Variants in UCKL1 observed in about 807,000 individuals in gnomAD.
UCKL1 encodes uridine-cytidine kinase-like 1.
UCKL1 carries 65 observed loss-of-function variants against 59.2 expected under a neutral mutation model. The ratio of observed to expected loss-of-function variants is 1.10; its 90% CI spans 0.90 to 1.35. The LOEUF (loss-of-function observed/expected upper bound fraction) is 1.35, where lower values mean the gene tolerates loss of function less well. UCKL1 is among the 40% of genes most tolerant of loss of function. The pLI is 0.00. For synonymous variants in UCKL1, 410 were observed against 323.1 expected (o/e 1.27, Z -2.88); for missense variants, 703 against 784.3 (o/e 0.90, Z 1.24).
chr20:63,941,569 A>C, intron 8 of UCKL1: 3 of 272,908 alleles, frequency 1.1e-5, no homozygotes, highest in Non-Finnish European at 2.3e-5. Context: ...ATACCCCAGA[A>C]TGGGTAGCTT....
chr20:63,941,338 C>A (rs1390574684), intron 8 of UCKL1, 130 bp from the exon 9 acceptor site: 2 of 1,375,740 alleles, frequency 1.5e-6, no homozygotes, highest in Non-Finnish European at 2.0e-6. Context: ...GCAGAGCGGG[C>A]CTGACTTCTG....
Position 63,946,204 on chromosome 20 carries a change from T to C in UCKL1, c.368A>G (p.Asp123Gly). The C allele has an allele frequency of 6.2e-7, 1 of 1,611,708 alleles. No homozygotes were observed. The highest frequency in any genetic ancestry group is 2.2e-5 in the East Asian group (1 of 44,810). ...TVARMIIEAL[D>G]VPWVVLLSMD... ...GGACAGCAAGACCACCCAGGGCACA[T>C]CCAGGGCCTCGATGATCATTCTGGC... is the stretch of plus-strand genomic sequence containing the variant. Residue 123 changes from aspartate (D) to glycine (G), a missense_variant, in exon 3 of 15, where the codon GAT becomes GGT. Around this residue, in one of 4 missense-constraint regions of UCKL1, gnomAD observed 398 missense variants for 373.0 expected, o/e 1.07. Coordinates refer to ENST00000354216, the MANE Select transcript of UCKL1 (RefSeq NM_017859.4).
chr20:63,946,309 C>T (rs565300676), intron 2 of UCKL1, 42 bp from the exon 3 acceptor site: 217 of 1,555,310 alleles, frequency 1.4e-4, no homozygotes, highest in Admixed American at 1.9e-5. Flanking sequence ...AACAGGCAGG[C>T]TGCCGGCACA....
At chr20:63,955,914 G>A (rs776333424) in intron 1 of UCKL1, 1 of 187,608 alleles carries the variant, frequency 5.3e-6, no homozygotes. Context: ...ACCCCGAGCC[G>A]ACAACATAGA....
At chr20:63,948,001 G>A (rs951988684) in intron 1 of UCKL1, among the ~76,000 whole-genome samples, 20 of 144,580 alleles carry the variant, frequency 1.4e-4, no homozygotes, top group Non-Finnish European at 1.7e-4. Context: ...TGGGGGGTTG[G>A]GGGGGCATCA....
At chr20:63,949,200 C>CCGGAGAT (rs547995715) in intron 1 of UCKL1, among the ~76,000 whole-genome samples, 252 of 152,274 alleles carry the variant, frequency 1.7e-3, no homozygotes, top group Non-Finnish European at 3.1e-3. Flanking sequence ...CACCTCGGCT[C>CCGGAGAT]CGGAGATCGT....
At chr20:63,956,235 G>C (rs1224932222) in intron 1 of UCKL1, 25 bp downstream of exon 1, 2 of 1,505,248 alleles carry the variant, frequency 1.3e-6, no homozygotes, top group African/African-American at 2.9e-5. Flanking sequence ...CTCGCCAGTG[G>C]AGTGGAGGCG....
Position 63,939,972 on chromosome 20 carries a change from G to A in UCKL1, c.*4C>T. On this transcript the variant is annotated 3_prime_UTR_variant, in exon 15 of 15. Transcript: ENST00000354216. Reference sequence around the variant, plus strand: ...TGGTGGGGACGGGATGGCTCACTGGGCAGCTAACCCGTGTAGGCCACTTCC... The same window carrying A: ...TGGTGGGGACGGGATGGCTCACTGGACAGCTAACCCGTGTAGGCCACTTCC... 6.2e-7 allele frequency: 1 copy of A among 1,612,158 alleles called. No individual in the cohort carries two copies. The highest frequency in any genetic ancestry group is 8.5e-7 in the Non-Finnish European group (1 of 1,179,648).
intron 1 of UCKL1, among the ~76,000 whole-genome samples, chr20:63,950,137 C>T (rs368898071): frequency 2.0e-5 from 3 of 152,220 alleles, no homozygotes; most frequent in Admixed American, 6.5e-5. Context: ...CAGGCCAGGA[C>T]GATCTGCCAG....
At chr20:63,947,425 A>G (rs2146575498) in intron 1 of UCKL1, among the ~76,000 whole-genome samples, 1 of 152,310 alleles carries the variant, frequency 6.6e-6, no homozygotes, top group Middle Eastern at 3.4e-3. Flanking sequence ...AGGAGACGTG[A>G]GGGCGGCGTG....
At chr20:63,948,275 C>A (rs1423536832) in intron 1 of UCKL1, 1 of 152,096 alleles carries the variant, frequency 6.6e-6, no homozygotes, top group Non-Finnish European at 1.5e-5. Context: ...GCAGAGCCCC[C>A]GGGGGCAAGA....
chr20:63,942,649 C>A, intron 8 of UCKL1: 1 of 516,298 alleles, frequency 1.9e-6, no homozygotes, highest in Admixed American at 2.1e-5. Context: ...CCCAGCCCTG[C>A]CTGACCCTCC....
At chr20:63,946,391 G>A (rs1444816510) in intron 2 of UCKL1, 62 bp downstream of exon 2, 3 of 1,515,590 alleles carry the variant, frequency 2.0e-6, no homozygotes, top group African/African-American at 2.8e-5. Context: ...TGCTCCACAG[G>A]CACTGGAGGG....
intron 1 of UCKL1, among the ~76,000 whole-genome samples, chr20:63,948,678 T>TGTGTGAGGGAGGGGGC (rs2057045167): frequency 4.3e-4 from 1 of 2,338 alleles, no homozygotes; most frequent in Non-Finnish European, 8.2e-4. Context: ...AGGGAGGGGG[T>TGTGTGAGGGAGGGGGC]GTGTGTGAGA....
In UCKL1 at chr20:63,943,313, C is replaced by T. The variant is rs148141381; in HGVS notation, c.923+340G>A. Among the ~76,000 whole-genome samples, 13 of 152,338 alleles carry T rather than the reference C, an allele frequency of 8.5e-5. No individual in the cohort carries two copies. In the South Asian group the frequency reaches 1.2e-3, roughly 15 times the overall value. On this transcript the variant is annotated intron_variant, in intron 8 of 14. Transcript: ENST00000354216. ...CTGGCTGCTGGGACATGTCTGTAGT[C>T]ACTGCCCCAGAGGCCTGGCAGTGCT...
chr20:63,951,044 G>A lies in UCKL1; in HGVS notation c.114-4401C>T, dbSNP rs369658190. 1.8e-3 allele frequency: 2,192 copies of A among 1,224,406 alleles called. 62 individuals are homozygous for A. The South Asian group carries it at 0.055, about 31-fold the overall frequency. 75.8% of individuals were successfully genotyped at this position (1,224,406 alleles called of 1,614,324 possible). On this transcript the variant is annotated intron_variant, in intron 1 of 14. Coordinates refer to ENST00000354216, the MANE Select transcript of UCKL1 (RefSeq NM_017859.4). ...GGGTGCAGAGCCGGGTGGCTGGGGT[G>A]AGACCCTTGGCTGGCAGAAGCTGCC... is the stretch of plus-strand genomic sequence containing the variant.
chr20:63,946,954 G>T (rs1276932428), intron 1 of UCKL1, among the ~76,000 whole-genome samples: 1 of 152,006 alleles, frequency 6.6e-6, no homozygotes, highest in Non-Finnish European at 1.5e-5. Flanking sequence ...TGCGGTGGTG[G>T]GTGCCTGTAA....
chr20:63,950,231 T>A (rs2057370009), intron 1 of UCKL1, among the ~76,000 whole-genome samples: 1 of 152,192 alleles, frequency 6.6e-6, no homozygotes, highest in African/African-American at 2.4e-5. Flanking sequence ...AAAGCTGGTC[T>A]GTCTCAGAGC....
chr20:63,942,426 G>A, intron 8 of UCKL1: 1 of 1,172,162 alleles, frequency 8.5e-7, no homozygotes, highest in Non-Finnish European at 1.1e-6. Flanking sequence ...AAGGGGCTAC[G>A]GGAAGGCGGG....
Sources: allele counts gnomAD v4.1 joint callset (sites outside exome capture counted in the v4.1 genomes callset), GRCh38; gene constraint gnomAD v4.1.1; regional missense constraint gnomAD v4.1.1; transcripts MANE v1.5; gene names NCBI Gene and HGNC (gene_info 2026-07-23, HGNC 2026-07-21).